The following DIXDC1 variants were observed in gnomAD, a reference collection of about 807,000 sequenced individuals.
DIXDC1 encodes the protein dixin.
In DIXDC1, 64 loss-of-function variants were observed where a neutral mutation model predicts 103.1. The observed-to-expected ratio is 0.62, with a 90% CI of 0.51 to 0.76. The LOEUF (loss-of-function observed/expected upper bound fraction) is 0.76. Among genes scored for constraint, DIXDC1 ranks in the 30% least tolerant of loss-of-function variants. DIXDC1 has a pLI of 0.00. For missense variants in DIXDC1, 759 were observed against 834.2 expected, an observed-to-expected ratio of 0.91 and a Z score of 1.11; for synonymous variants, 266 against 298.5, an observed-to-expected ratio of 0.89 and a Z score of 1.12.
intron 5 of DIXDC1, among the ~76,000 whole-genome samples, chr11:111,978,171 G>A (rs1423402704): frequency 6.6e-6 from 1 of 152,212 alleles, no homozygotes; most frequent in African/African-American, 2.4e-5. Context: ...TGGGAATTAA[G>A]AAATGTATCA....
At chr11:111,991,353 G>A (rs1453134561) in intron 10 of DIXDC1, among the ~76,000 whole-genome samples, 3 of 152,160 alleles carry the variant, frequency 2.0e-5, no homozygotes, top group Admixed American at 2.0e-4. Flanking sequence ...TTTCTCCCAT[G>A]TAACATCATG....
At chr11:111,996,835 G>C (rs587612445) in intron 17 of DIXDC1, among the ~76,000 whole-genome samples, 1 of 152,308 alleles carries the variant, frequency 6.6e-6, no homozygotes, top group African/African-American at 2.4e-5. Context: ...GGGTGACAGA[G>C]TAAGACTCCA....
intron 5 of DIXDC1, among the ~76,000 whole-genome samples, chr11:111,978,579 C>T (rs1390672984): frequency 2.6e-5 from 4 of 152,188 alleles, no homozygotes; most frequent in Admixed American, 2.0e-4. Context: ...AGACATCCGC[C>T]TCCTTCTGCC....
At chr11:111,936,581 G>C (rs782224643), upstream of DIXDC1, among the ~76,000 whole-genome samples, 1 of 152,180 alleles carries the variant, frequency 6.6e-6, no homozygotes, top group Non-Finnish European at 1.5e-5. Flanking sequence ...TTGCGATCCT[G>C]CGTGATGTTT....
chr11:111,930,407 G>A (rs1386192358), intron 2 of DIXDC1, among the ~76,000 whole-genome samples: 1 of 152,096 alleles, frequency 6.6e-6, no homozygotes, highest in African/African-American at 2.4e-5. Context: ...AGCCTTCTGA[G>A]TAGCTGGGAC....
chr11:111,982,183 G>A (rs1024574812), intron 6 of DIXDC1, 156 bp from the exon 7 acceptor site: 12 of 684,344 alleles, frequency 1.8e-5, no homozygotes, highest in Non-Finnish European at 2.6e-5. Context: ...AATTCTTTAG[G>A]CCTCACAACC....
rs782281424 is a variant in DIXDC1 at position 111,974,060 on chromosome 11, G to T, written c.354G>T (p.Leu118=). ...GAAACCTGAAGTCTATCATGAGGCT[G>T]GTCCTTGCCTTGGCAGCTCATTTCA... The part of the protein sequence containing the change: ...VDGNLKSIMR[L]VLALAAHFKP... Residue 118 remains leucine (L), a synonymous_variant, in exon 4 of 20, where the codon CTG becomes CTT. Transcript: ENST00000440460. 1.9e-6 allele frequency: 3 copies of T among 1,613,820 alleles called. No individual in the cohort carries two copies. Among genetic ancestry groups the T allele is most frequent in the Non-Finnish European group, 2.5e-6 (3 of 1,179,916 alleles).
intron 17 of DIXDC1, among the ~76,000 whole-genome samples, chr11:112,016,440 G>A (rs1861592103): frequency 6.6e-6 from 1 of 152,114 alleles, no homozygotes; most frequent in Non-Finnish European, 1.5e-5. Flanking sequence ...AATGATACCT[G>A]TCATATCAGT....
At position 111,958,613 on chromosome 11, in the gene DIXDC1, C is replaced by T. The variant is rs1339827559; in HGVS notation, c.61-5936C>T. Among the ~76,000 whole-genome samples the T allele has an allele frequency of 2.0e-5, 3 of 152,136 alleles. No homozygotes were observed. The highest frequency in any genetic ancestry group is 2.9e-5 in the Non-Finnish European group (2 of 68,014). On this transcript the variant is annotated intron_variant, in intron 1 of 19. Coordinates refer to ENST00000440460, the MANE Select transcript of DIXDC1 (RefSeq NM_001037954.4). The surrounding 1 kb of genome is among the most constrained non-coding windows in gnomAD (Gnocchi z 4.2). ...GCTGGTCTACACGTGCCCCTTGGCA[C>T]GTGGCAGGAGGCAGACAGGCTCCTG... is the stretch of plus-strand genomic sequence containing the variant.
In DIXDC1 at chr11:111,969,991, C is replaced by T. The variant is rs183642033; in HGVS notation, c.316+1353C>T. On this transcript the variant is annotated intron_variant, in intron 3 of 19. Transcript: ENST00000440460. ...CCCCAAAAGCCTCTGTCAAAAGGCT[C>T]CTAGAACTAATAAATGACTTGAGTA... 5.5e-3 allele frequency among the ~76,000 whole-genome samples: 840 copies of T among 152,286 alleles called. 3 individuals carry two copies. The highest frequency in any genetic ancestry group is 7.8e-3 in the Non-Finnish European group (533 of 68,026).
At chr11:111,951,624 T>C (rs940797035) in intron 1 of DIXDC1, among the ~76,000 whole-genome samples, 53 of 152,306 alleles carry the variant, frequency 3.5e-4, no homozygotes, top group African/African-American at 1.3e-3. Context: ...TCTTCTTGAA[T>C]TCCCACGTGT....
Position 112,022,075 on chromosome 11 carries a change from T to G in DIXDC1, c.*3039T>G, listed in dbSNP as rs1383022093. The G allele has an allele frequency of 1.3e-5, 2 of 152,178 alleles. No homozygotes were observed. Among genetic ancestry groups the G allele is most frequent in the African/African-American group, 4.8e-5 (2 of 41,428 alleles). The allele number at this position is 152,178 out of a possible 1,614,324, so 9.4% of individuals were successfully genotyped here. On this transcript the variant is annotated 3_prime_UTR_variant, in exon 20 of 20. Coordinates refer to ENST00000440460, the MANE Select transcript of DIXDC1 (RefSeq NM_001037954.4). The surrounding 1 kb of genome is among the most constrained non-coding windows in gnomAD (Gnocchi z 4.9). ...TGGGGGGATTGGGATACTTTACAAT[T>G]TTTACATTTTTAAATTTGAAGAATT... is the stretch of plus-strand genomic sequence containing the variant.
chr11:111,944,207 A>C (rs12225443), intron 1 of DIXDC1, among the ~76,000 whole-genome samples: 47,473 of 152,002 alleles, frequency 0.31, 8,446 homozygotes, highest in East Asian at 0.59. Context: ...TCACTGTAAA[A>C]CTAATTTCCT....
At chr11:112,013,761 T>C (rs1861502657) in intron 17 of DIXDC1, among the ~76,000 whole-genome samples, 1 of 152,172 alleles carries the variant, frequency 6.6e-6, no homozygotes, top group African/African-American at 2.4e-5. Flanking sequence ...TTATTGCCTC[T>C]TAACAGGATG....
In DIXDC1 at chr11:112,018,823, A is replaced by G. The variant is rs1477201250; in HGVS notation, c.1972-133A>G. The G allele has an allele frequency of 3.1e-5, 20 of 648,076 alleles. No homozygotes were observed. In the Admixed American group the frequency reaches 5.9e-4, roughly 19 times the overall value. 40.1% of individuals were successfully genotyped at this position (648,076 alleles called of 1,614,324 possible). ...AAATATCAGTTGCAGTTCTAGGGACAAGACCAAAAGGACATAGACTCTTAA... is the reference window on the plus strand; with the variant it reads ...AAATATCAGTTGCAGTTCTAGGGACGAGACCAAAAGGACATAGACTCTTAA... On this transcript the variant is annotated intron_variant, in intron 19 of 19. Transcript: ENST00000440460.
intron 17 of DIXDC1, among the ~76,000 whole-genome samples, chr11:112,004,292 A>G (rs1160123530): frequency 1.3e-5 from 2 of 152,112 alleles, no homozygotes; most frequent in African/African-American, 4.8e-5. Context: ...AGCAGCTGCC[A>G]CTGCAGGAAA....
intron 1 of DIXDC1, among the ~76,000 whole-genome samples, chr11:111,938,586 C>G (rs1213176179): frequency 6.6e-6 from 1 of 152,178 alleles, no homozygotes; most frequent in African/African-American, 2.4e-5. Context: ...TTGGCTCCCC[C>G]CACCCATTCC....
At chr11:111,941,872 A>ACACACACACACC (rs1169037989) in intron 1 of DIXDC1, among the ~76,000 whole-genome samples, 1 of 150,818 alleles carries the variant, frequency 6.6e-6, no homozygotes, top group Admixed American at 6.6e-5. Flanking sequence ...ACACACACAC[A>ACACACACACACC]CCCACGAAGA....
At chr11:111,979,109 A>G (rs1860215889) in intron 5 of DIXDC1, among the ~76,000 whole-genome samples, 1 of 152,208 alleles carries the variant, frequency 6.6e-6, no homozygotes. Context: ...TTAATTTGAT[A>G]TTTCAATTTA....
Sources: allele counts gnomAD v4.1 joint callset (sites outside exome capture counted in the v4.1 genomes callset), GRCh38; gene constraint gnomAD v4.1.1; non-coding constraint Gnocchi (gnomAD v3.1); transcripts MANE v1.5; gene names NCBI Gene and HGNC (gene_info 2026-07-23, HGNC 2026-07-21).